TUSC3: variants seen among roughly 807,000 people sequenced by gnomAD.
The protein encoded by TUSC3 is tumor suppressor candidate 3.
TUSC3 carries 45 observed loss-of-function variants against 44.8 expected under a neutral mutation model. The ratio of observed to expected loss-of-function variants is 1.00; its 90% confidence interval spans 0.79 to 1.29. The LOEUF (loss-of-function observed/expected upper bound fraction) is 1.29, where lower values mean the gene tolerates loss of function less well. Among genes scored for constraint, TUSC3 ranks in the 50% most tolerant of loss-of-function variants. TUSC3 has a pLI of 0.00. For synonymous variants in TUSC3, 212 were observed against 152.9 expected (o/e 1.39, Z -2.85); for missense variants, 519 against 437.9 (o/e 1.19, Z -1.65).
chr8:15,470,053 C>G (rs760954704), intron 1 of TUSC3, among the ~76,000 whole-genome samples: 3 of 150,630 alleles, frequency 2.0e-5, no homozygotes, highest in Non-Finnish European at 4.4e-5. Flanking sequence ...CCCAGCAGTT[C>G]AAGACCAGCC....
At chr8:15,712,976 G>A (rs1025339781) in intron 6 of TUSC3, among the ~76,000 whole-genome samples, 1 of 152,054 alleles carries the variant, frequency 6.6e-6, no homozygotes, top group African/African-American at 2.4e-5. Context: ...TTTCCATGCT[G>A]TTAAATCAGT....
At chr8:15,445,398 G>A (rs1475459833) in intron 1 of TUSC3, among the ~76,000 whole-genome samples, 1 of 152,076 alleles carries the variant, frequency 6.6e-6, no homozygotes, top group Non-Finnish European at 1.5e-5. Flanking sequence ...GACAATAGTG[G>A]TGGGAAGGTT....
At chr8:15,621,190 T>A (rs1805229146) in intron 1 of TUSC3, among the ~76,000 whole-genome samples, 1 of 151,844 alleles carries the variant, frequency 6.6e-6, no homozygotes, top group Non-Finnish European at 1.5e-5. Flanking sequence ...TTTTATCTTA[T>A]TATTTTAAAA....
the TUSC3 span, among the ~76,000 whole-genome samples, chr8:15,786,898 C>T: frequency 3.0e-5 from 4 of 132,030 alleles, no homozygotes; most frequent in Non-Finnish European, 4.6e-5. Flanking sequence ...GAGCCGAGAT[C>T]GTGCCACTGC....
chr8:15,553,125 T>A (rs1440802454), intron 1 of TUSC3, among the ~76,000 whole-genome samples: 1 of 151,630 alleles, frequency 6.6e-6, no homozygotes, highest in Non-Finnish European at 1.5e-5. Context: ...ATGTTCGTGT[T>A]TGAGAATGTA....
Position 15,602,854 on chromosome 8 carries a change from G to T in TUSC3, c.139-20226G>T, listed in dbSNP as rs73665452. ...TACAAAGAAAAAAGGAACTGAAAGT[G>T]ATCCATGGAAAAGTAAAAGTAGATT... On this transcript the variant is annotated intron_variant, in intron 1 of 10. Coordinates refer to ENST00000503731, the MANE Select transcript of TUSC3 (RefSeq NM_006765.4). Among the ~76,000 whole-genome samples the T allele has an allele frequency of 8.3e-3, 1,253 of 151,464 alleles. 17 individuals are homozygous for T. Among genetic ancestry groups the T allele is most frequent in the African/African-American group, 0.029 (1,213 of 41,382 alleles).
the TUSC3 span, chr8:15,807,270 A>C: frequency 1.7e-6 from 1 of 598,908 alleles, no homozygotes; most frequent in Non-Finnish European, 3.0e-6. Context: ...TGCTTGTCTA[A>C]AGATGGTCCC....
chr8:15,701,201 A>C (rs1436981896), intron 6 of TUSC3, among the ~76,000 whole-genome samples: 1 of 152,110 alleles, frequency 6.6e-6, no homozygotes, highest in Admixed American at 6.5e-5. Context: ...CCCTGTAATA[A>C]TCAATGTAAA....
At chr8:15,783,539 G>A in the TUSC3 span, among the ~76,000 whole-genome samples, 621 of 152,060 alleles carry the variant, frequency 4.1e-3, 5 homozygotes, top group African/African-American at 0.014. Flanking sequence ...TTGACCAATG[G>A]AATAGGATAC....
intron 2 of TUSC3, among the ~76,000 whole-genome samples, chr8:15,491,008 C>T (rs1421407594): frequency 1.3e-5 from 2 of 152,196 alleles, no homozygotes; most frequent in African/African-American, 2.4e-5. Context: ...AGAGGACATA[C>T]GGTTGCTTCC....
intron 2 of TUSC3, among the ~76,000 whole-genome samples, chr8:15,640,773 A>G (rs1318108395): frequency 6.6e-6 from 1 of 152,084 alleles, no homozygotes; most frequent in Non-Finnish European, 1.5e-5. Flanking sequence ...CCAAGGGGAG[A>G]TGATGGTGAA....
intron 1 of TUSC3, among the ~76,000 whole-genome samples, chr8:15,552,129 A>C (rs983912185): frequency 6.6e-6 from 1 of 151,764 alleles, no homozygotes; most frequent in Non-Finnish European, 1.5e-5. Flanking sequence ...AATGTTTTTC[A>C]TATTATGTAC....
At chr8:15,807,254 C>T in the TUSC3 span, 31 of 626,654 alleles carry the variant, frequency 4.9e-5, no homozygotes, top group Non-Finnish European at 8.7e-5. Context: ...TATGCTCTTC[C>T]ATCTTTGCTT....
At chr8:15,491,272 T>C (rs1184107324) in intron 2 of TUSC3, among the ~76,000 whole-genome samples, 2 of 152,184 alleles carry the variant, frequency 1.3e-5, no homozygotes, top group Non-Finnish European at 2.9e-5. Context: ...TGAAATTTGA[T>C]AGAACTGTGT....
rs1384757944 is a variant in TUSC3 at position 15,555,162 on chromosome 8, T to TG, written c.138+14601dup. ...GTCTTTTTTTTTTTTTTTTTTTTTT[T>TG]GGGGGGGACGAGATCTTACTCTGTT... On this transcript the variant is annotated intron_variant, in intron 1 of 10. Transcript: ENST00000503731. Among the ~76,000 whole-genome samples the TG allele has an allele frequency of 1.9e-3, 120 of 63,460 alleles. 1 individual carries two copies. The highest frequency in any genetic ancestry group is 4.1e-3 in the African/African-American group (73 of 17,656). 41.6% of individuals were successfully genotyped at this position (63,460 alleles called of 152,430 possible). A position where few individuals can be genotyped will look rare whatever the true frequency, so the allele number is the denominator to read the frequency against.
chr8:15,710,158 T>C (rs1428825196), intron 6 of TUSC3, among the ~76,000 whole-genome samples: 1 of 151,816 alleles, frequency 6.6e-6, no homozygotes, highest in Non-Finnish European at 1.5e-5. Flanking sequence ...TTAGGTTTTG[T>C]CTGGAGGCTA....
At chr8:15,665,221 A>C (rs1247843806) in intron 5 of TUSC3, among the ~76,000 whole-genome samples, 1 of 151,568 alleles carries the variant, frequency 6.6e-6, no homozygotes, top group African/African-American at 2.4e-5. Context: ...ATAAAACAGT[A>C]ATGAACCTTG....
At chr8:15,773,276 G>C in the TUSC3 span, among the ~76,000 whole-genome samples, 180 of 152,158 alleles carry the variant, frequency 1.2e-3, no homozygotes, top group African/African-American at 4.2e-3. Context: ...CAGAGTTGCA[G>C]GATACATGGT....
At chr8:15,700,589 T>A (rs191513160) in intron 6 of TUSC3, among the ~76,000 whole-genome samples, 4 of 152,166 alleles carry the variant, frequency 2.6e-5, no homozygotes, top group Admixed American at 2.0e-4. Context: ...TAATTTGATG[T>A]GGTTAGTGCC....
Sources: gnomAD v4.1 joint callset for allele counts (sites outside exome capture counted in the v4.1 genomes callset) on GRCh38, gnomAD v4.1.1 for gene constraint, MANE v1.5 for transcripts, NCBI Gene and HGNC (gene_info 2026-07-23, HGNC 2026-07-21) for gene names.